Variants in PPP1R3B observed in about 807,000 individuals in gnomAD.
The protein encoded by PPP1R3B is protein phosphatase 1 regulatory subunit 3B, also known as PP1 subunit R4.
In PPP1R3B, 8 loss-of-function variants were observed where a neutral mutation model predicts 14.6. That is an observed-to-expected ratio of 0.55 (90% CI 0.32 to 0.99). The LOEUF (loss-of-function observed/expected upper bound fraction) is 0.99, where lower values mean the gene tolerates loss of function less well. Ranked by LOEUF, PPP1R3B falls within the 50% of genes least tolerant of loss-of-function variation. The pLI is 0.04. For synonymous variants in PPP1R3B, 169 were observed against 142.0 expected (o/e 1.19, Z -1.35); for missense variants, 452 against 360.1 (o/e 1.26, Z -2.07).
rs551708327 is a variant in PPP1R3B at position 9,136,320 on chromosome 8, A to T, written c.*4474T>A. On this transcript the variant is annotated 3_prime_UTR_variant, in exon 2 of 2. Coordinates refer to ENST00000310455, the MANE Select transcript of PPP1R3B (RefSeq NM_024607.4). Reference sequence around the variant, plus strand: ...TACAAACCAACCTCTCATACCACACAAAGAACATCCATTCTTGGGATTTTT... The same window carrying T: ...TACAAACCAACCTCTCATACCACACTAAGAACATCCATTCTTGGGATTTTT... 2.0e-5 allele frequency: 3 copies of T among 152,356 alleles called. No individual in the cohort carries two copies. Among genetic ancestry groups the T allele is most frequent in the African/African-American group, 7.2e-5 (3 of 41,586 alleles). 9.4% of individuals were successfully genotyped at this position (152,356 alleles called of 1,614,324 possible). A position where few individuals can be genotyped will look rare whatever the true frequency, so the allele number is the denominator to read the frequency against.
At chr8:9,147,627 C>A (rs1585344559) in intron 1 of PPP1R3B, among the ~76,000 whole-genome samples, 1 of 152,050 alleles carries the variant, frequency 6.6e-6, no homozygotes, top group Non-Finnish European at 1.5e-5. Flanking sequence ...AAGTTCTAAT[C>A]CCGCAGGCTG....
chr8:9,150,927 G>C (rs576407267), upstream of PPP1R3B, among the ~76,000 whole-genome samples: 1 of 152,254 alleles, frequency 6.6e-6, no homozygotes, highest in Admixed American at 6.5e-5. Context: ...GGCCCGGAGA[G>C]AGACGAAGCG....
rs1016475003 is a variant in PPP1R3B, at chr8:9,137,533, G to C, written c.*3261C>G. Reference sequence around the variant, plus strand: ...GAAGTGTGTAGGCTTATCTACTGATGATGAGCTATCAAACAAGGAGAGAAT... The same window carrying C: ...GAAGTGTGTAGGCTTATCTACTGATCATGAGCTATCAAACAAGGAGAGAAT... On this transcript the variant is annotated 3_prime_UTR_variant, in exon 2 of 2. Transcript: ENST00000310455. The C allele has an allele frequency of 2.6e-5, 4 of 152,244 alleles. No homozygotes were observed. The highest frequency in any genetic ancestry group is 2.0e-4 in the Admixed American group (3 of 15,284). 9.4% of individuals were successfully genotyped at this position (152,244 alleles called of 1,614,324 possible).
Position 9,140,753 on chromosome 8 carries a change from T to G in PPP1R3B, c.*41A>C, listed in dbSNP as rs408773. ...CACTGCACAGTGAGCAGAGCTAGGC[T>G]TGTCTGTGGCAGCTCCGCCACGCCC... On this transcript the variant is annotated 3_prime_UTR_variant, in exon 2 of 2. Transcript: ENST00000310455. 509,321 of 1,597,370 alleles carry G rather than the reference T, an allele frequency of 0.32. 90,415 individuals carry two copies. Among genetic ancestry groups the G allele is most frequent in the East Asian group, 0.75 (33,515 of 44,658 alleles).
chr8:9,148,201 A>C (rs895385773), intron 1 of PPP1R3B, among the ~76,000 whole-genome samples: 12 of 152,162 alleles, frequency 7.9e-5, no homozygotes, highest in African/African-American at 2.9e-4. Context: ...GTGCAAGGTA[A>C]TATTAAGTTC....
chr8:9,150,997 G>A (rs1331728290), upstream of PPP1R3B, among the ~76,000 whole-genome samples: 1 of 152,228 alleles, frequency 6.6e-6, no homozygotes, highest in Non-Finnish European at 1.5e-5. Flanking sequence ...AGACCTCTCG[G>A]GACCCGGGGC....
At position 9,139,715 on chromosome 8, in the gene PPP1R3B, A is replaced by AT. The variant is rs927617351; in HGVS notation, c.*1078dup. 1 of 151,634 alleles carries AT rather than the reference A, an allele frequency of 6.6e-6. No homozygotes were observed. 9.4% of individuals were successfully genotyped at this position (151,634 alleles called of 1,614,324 possible). ...AGGCGCCCGCCACCACGCCTGGCTA[A>AT]TTTTTTTGTATTTTTAGTAGAGACA... On this transcript the variant is annotated 3_prime_UTR_variant, in exon 2 of 2. Coordinates refer to ENST00000310455, the MANE Select transcript of PPP1R3B (RefSeq NM_024607.4).
In PPP1R3B at chr8:9,146,590, G is replaced by A. The variant is rs1161230155; in HGVS notation, c.-18+3973C>T. 3.9e-5 allele frequency among the ~76,000 whole-genome samples: 6 copies of A among 152,196 alleles called. No homozygotes were observed. The East Asian group carries it at 1.2e-3, about 29-fold the overall frequency. On this transcript the variant is annotated intron_variant, in intron 1 of 1. Coordinates refer to ENST00000310455, the MANE Select transcript of PPP1R3B (RefSeq NM_024607.4). The stretch of plus-strand genomic sequence containing the variant: ...CCCTGGGATGCAAGAAACCCTTACA[G>A]ATGGCCAGTCAGAGAAATACACATA...
At chr8:9,148,015 G>T (rs953683498) in intron 1 of PPP1R3B, among the ~76,000 whole-genome samples, 23 of 152,114 alleles carry the variant, frequency 1.5e-4, no homozygotes, top group Admixed American at 1.1e-3. Flanking sequence ...TCGACTGTCA[G>T]TCACCTTGCC....
chr8:9,141,328 C>T lies in PPP1R3B; in HGVS notation c.324G>A (p.Glu108=). 3.7e-6 allele frequency: 6 copies of T among 1,614,170 alleles called. No individual in the cohort carries two copies. The highest frequency in any genetic ancestry group is 5.1e-6 in the Non-Finnish European group (6 of 1,180,038). Residue 108 remains glutamate, a synonymous_variant, in exon 2 of 2, where the codon GAG becomes GAA. Transcript: ENST00000310455. ...GCTGGGAAAAATCCAGAACAAAGCTCTCGCTCTCTGCTGTCGTCAAGCTCA... is the reference window on the plus strand; with the variant it reads ...GCTGGGAAAAATCCAGAACAAAGCTTTCGCTCTCTGCTGTCGTCAAGCTCA... ...NIVSLTTAES[E]SFVLDFSQPS...
rs1328918607 is a variant in PPP1R3B at position 9,137,643 on chromosome 8, G to C, written c.*3151C>G. ...GAAGAAGACTGTTTGCGGCAGGAGG[G>C]TAGCAGAGGAGCAAGTGGTAAACAG... On this transcript the variant is annotated 3_prime_UTR_variant, in exon 2 of 2. Coordinates refer to ENST00000310455, the MANE Select transcript of PPP1R3B (RefSeq NM_024607.4). The C allele has an allele frequency of 2.0e-5, 3 of 152,506 alleles. No homozygotes were observed. The highest frequency in any genetic ancestry group is 4.4e-5 in the Non-Finnish European group (3 of 68,270). The allele number at this position is 152,506 out of a possible 1,614,324, so 9.4% of individuals were successfully genotyped here. A position where few individuals can be genotyped will look rare whatever the true frequency, so the allele number is the denominator to read the frequency against.
intron 1 of PPP1R3B, among the ~76,000 whole-genome samples, chr8:9,147,630 G>A (rs1001005012): frequency 2.0e-5 from 3 of 151,966 alleles, no homozygotes; most frequent in East Asian, 1.9e-4. Flanking sequence ...TTCTAATCCC[G>A]CAGGCTGAAG....
chr8:9,140,829 A>G lies in PPP1R3B; in HGVS notation c.823T>C (p.Tyr275His). ...GGCCCTAGCTTTTCATATCCTAAGT[A>G]ACTTGGCCACTCTGGAAACAGACCA... is the stretch of plus-strand genomic sequence containing the variant. ...SYGLFPEWPS[Y>H]LGYEKLGPYY The change falls in exon 2 of 2, where the codon TAC becomes CAC. Residue 275 changes from tyrosine (Y) to histidine (H), a missense_variant. Tyr to His is a moderately conservative substitution (Grantham distance 83, BLOSUM62 2). Coordinates refer to ENST00000310455, the MANE Select transcript of PPP1R3B (RefSeq NM_024607.4). 1 of 1,614,004 alleles carries G rather than the reference A, an allele frequency of 6.2e-7. No homozygotes were observed. The highest frequency in any genetic ancestry group is 2.2e-5 in the East Asian group (1 of 44,852).
Position 9,140,944 on chromosome 8 carries a change from C to T in PPP1R3B, c.708G>A (p.Glu236=). ...TGGTCATTCCCTGGGTAGATTTTAA[C>T]TCAGCCCGGATGATCCTATAGTTCT... ...RGKNYRIIRA[E]LKSTQGMTKP... Residue 236 remains glutamate (E), a synonymous_variant, in exon 2 of 2, where the codon GAG becomes GAA. Transcript: ENST00000310455. 6.2e-7 allele frequency: 1 copy of T among 1,614,218 alleles called. No homozygotes were observed. Among genetic ancestry groups the T allele is most frequent in the Non-Finnish European group, 8.5e-7 (1 of 1,180,020 alleles).
At chr8:9,144,777 C>G (rs1052340635) in intron 1 of PPP1R3B, among the ~76,000 whole-genome samples, 1 of 152,132 alleles carries the variant, frequency 6.6e-6, no homozygotes, top group Non-Finnish European at 1.5e-5. Flanking sequence ...CAGAGTTTCA[C>G]TCGTGTCACC....
At chr8:9,148,295 A>C (rs1229943475) in intron 1 of PPP1R3B, among the ~76,000 whole-genome samples, 2 of 152,218 alleles carry the variant, frequency 1.3e-5, no homozygotes, top group African/African-American at 2.4e-5. Context: ...ACCAGGCTGC[A>C]GCCCAGCCTC....
intron 1 of PPP1R3B, among the ~76,000 whole-genome samples, chr8:9,146,863 A>G (rs932000478): frequency 1.3e-5 from 2 of 152,206 alleles, no homozygotes; most frequent in African/African-American, 4.8e-5. Flanking sequence ...AATGTAAAAA[A>G]AAAATCCTAT....
Position 9,138,784 on chromosome 8 carries a change from C to A in PPP1R3B, c.*2010G>T, listed in dbSNP as rs330912. 6.6e-6 allele frequency: 1 copy of A among 151,854 alleles called. No individual in the cohort carries two copies. The highest frequency in any genetic ancestry group is 1.5e-5 in the Non-Finnish European group (1 of 67,926). The allele number at this position is 151,854 out of a possible 1,614,324, so 9.4% of individuals were successfully genotyped here. ...GAGTCGTTTAACCAAACTCCAAAAA[C>A]AAACAAAAATAGAAAATAAAAAACC... is the stretch of plus-strand genomic sequence containing the variant. On this transcript the variant is annotated 3_prime_UTR_variant, in exon 2 of 2. Coordinates refer to ENST00000310455, the MANE Select transcript of PPP1R3B (RefSeq NM_024607.4).
At chr8:9,145,383 G>C (rs778682522) in intron 1 of PPP1R3B, 1 of 152,080 alleles carries the variant, frequency 6.6e-6, no homozygotes, top group Admixed American at 6.5e-5. Context: ...ATGATGACCC[G>C]CATCCACTTA....
Sources: gnomAD v4.1 joint callset for allele counts (sites outside exome capture counted in the v4.1 genomes callset) on GRCh38, gnomAD v4.1.1 for gene constraint, MANE v1.5 for transcripts, NCBI Gene and HGNC (gene_info 2026-07-23, HGNC 2026-07-21) for gene names.